GSK3B: variants seen among roughly 807,000 people sequenced by gnomAD.
GSK3B encodes the protein glycogen synthase kinase-3 beta.
A neutral mutation model predicts 56.4 loss-of-function variants in GSK3B; 15 were observed. That is an observed-to-expected ratio of 0.27 (90% confidence interval 0.18 to 0.41). GSK3B has a LOEUF of 0.41. Among genes scored for constraint, GSK3B ranks in the 10% least tolerant of loss-of-function variants. The pLI is 1.00. For synonymous variants in GSK3B, 181 were observed against 188.9 expected (o/e 0.96, Z 0.34); for missense variants, 300 against 513.4 (o/e 0.58, Z 4.02).
At chr3:120,022,362 G>C (rs925246182) in intron 1 of GSK3B, among the ~76,000 whole-genome samples, 1 of 152,138 alleles carries the variant, frequency 6.6e-6, no homozygotes, top group Admixed American at 6.5e-5. Flanking sequence ...TATGCACTAA[G>C]AAACCAAAAA....
At position 120,084,784 on chromosome 3, in the gene GSK3B, C is replaced by T. The variant is rs921593366; in HGVS notation, c.88+8563G>A. Reference sequence around the variant, plus strand: ...ATTAACATTTTACCTCTAATTGCCACGAGAGGAGCTCTGTCATCTTTGCAC... The same window carrying T: ...ATTAACATTTTACCTCTAATTGCCATGAGAGGAGCTCTGTCATCTTTGCAC... On this transcript the variant is annotated intron_variant, in intron 1 of 10. Transcript: ENST00000264235. The T allele has an allele frequency of 5.3e-5, 8 of 152,282 alleles. 1 individual carries two copies. In the East Asian group the frequency reaches 9.6e-4, roughly 18 times the overall value. 9.4% of individuals were successfully genotyped at this position (152,282 alleles called of 1,614,324 possible). A position where few individuals can be genotyped will look rare whatever the true frequency, so the allele number is the denominator to read the frequency against.
intron 1 of GSK3B, among the ~76,000 whole-genome samples, chr3:120,040,491 C>T (rs895298821): frequency 7.9e-5 from 12 of 152,094 alleles, no homozygotes; most frequent in African/African-American, 2.9e-4. Context: ...TTAACAAGCT[C>T]CCCAAGGAAG....
chr3:120,049,966 T>A (rs1205930049), intron 1 of GSK3B, among the ~76,000 whole-genome samples: 1 of 152,158 alleles, frequency 6.6e-6, no homozygotes, highest in Non-Finnish European at 1.5e-5. Flanking sequence ...ACTGGGTAAT[T>A]TATAAAGAAA....
At position 120,030,701 on chromosome 3, in the gene GSK3B, C is replaced by A. The variant is rs369355008; in HGVS notation, c.89-28462G>T. Among the ~76,000 whole-genome samples, 8 of 152,312 alleles carry A rather than the reference C, an allele frequency of 5.3e-5. No homozygotes were observed. In the East Asian group the frequency reaches 7.7e-4, roughly 15 times the overall value. On this transcript the variant is annotated intron_variant, in intron 1 of 10. Coordinates refer to ENST00000264235, the MANE Select transcript of GSK3B (RefSeq NM_001146156.2). ...TTATGTCTCAGCTTAAACCTCACTT[C>A]TTCAGAGATGCCTTCTCTAGGACAA...
At chr3:120,057,917 T>G (rs1198798860) in intron 1 of GSK3B, among the ~76,000 whole-genome samples, 1 of 151,994 alleles carries the variant, frequency 6.6e-6, no homozygotes, top group Non-Finnish European at 1.5e-5. Context: ...CAAACTGTAT[T>G]ATGTTAAATA....
intron 7 of GSK3B, among the ~76,000 whole-genome samples, chr3:119,882,759 A>C (rs1437069913): frequency 6.6e-6 from 1 of 152,132 alleles, no homozygotes; most frequent in Non-Finnish European, 1.5e-5. Flanking sequence ...TCTGCAACTC[A>C]TTCCTTTATA....
At position 119,979,399 on chromosome 3, in the gene GSK3B, C is replaced by T. The variant is rs1227643963; in HGVS notation, c.282+22647G>A. On this transcript the variant is annotated intron_variant, in intron 2 of 10. Coordinates refer to ENST00000264235, the MANE Select transcript of GSK3B (RefSeq NM_001146156.2). ...CCCTCTCTGTATTCTTATCCCCCTG[C>T]ATCTGCTCCTAGCCTGTCCAAACCC... is the stretch of plus-strand genomic sequence containing the variant. Among the ~76,000 whole-genome samples the T allele has an allele frequency of 2.6e-5, 4 of 152,138 alleles. No homozygotes were observed. The East Asian group carries it at 7.7e-4, about 29-fold the overall frequency.
chr3:120,041,751 C>A (rs150008289), intron 1 of GSK3B, among the ~76,000 whole-genome samples: 2 of 152,104 alleles, frequency 1.3e-5, no homozygotes, highest in Non-Finnish European at 2.9e-5. Flanking sequence ...CAGGACTGGG[C>A]GACAGTTCTT....
intron 1 of GSK3B, among the ~76,000 whole-genome samples, chr3:120,013,854 A>T (rs1244067923): frequency 3.7e-4 from 29 of 78,158 alleles, no homozygotes; most frequent in African/African-American, 2.5e-3. Context: ...ACCACGTTTA[A>T]AAAAAAAAAA....
intron 7 of GSK3B, among the ~76,000 whole-genome samples, chr3:119,901,564 TTTAA>T (rs963416172): frequency 2.6e-5 from 4 of 152,292 alleles, no homozygotes; most frequent in East Asian, 3.9e-4. Flanking sequence ...ATACAGTTCG[TTTAA>T]TTAAACTGTT....
In GSK3B at chr3:119,856,865, T is replaced by C. The variant is rs190894153; in HGVS notation, c.1096+6554A>G. On this transcript the variant is annotated intron_variant, in intron 9 of 10. Coordinates refer to ENST00000264235, the MANE Select transcript of GSK3B (RefSeq NM_001146156.2). ...CCATTATGACTCACCTCAGAGTTCATAGTAATTTGAGAATAACCTTAGAAG... is the reference window on the plus strand; with the variant it reads ...CCATTATGACTCACCTCAGAGTTCACAGTAATTTGAGAATAACCTTAGAAG... Among the ~76,000 whole-genome samples, 30 of 152,286 alleles carry C rather than the reference T, an allele frequency of 2.0e-4. No homozygotes were observed. The East Asian group carries it at 4.4e-3, about 23-fold the overall frequency.
intron 1 of GSK3B, among the ~76,000 whole-genome samples, chr3:120,047,122 T>G (rs1290051408): frequency 6.6e-6 from 1 of 152,212 alleles, no homozygotes; most frequent in East Asian, 1.9e-4. Flanking sequence ...ATCTTAAACC[T>G]TTTCACGATA....
intron 2 of GSK3B, among the ~76,000 whole-genome samples, chr3:119,961,632 C>CAAAAAAAAAAAAAAAAAAAAAAAA (rs1211316414): frequency 1.0e-5 from 1 of 95,872 alleles, no homozygotes. Flanking sequence ...GTCTCACAAA[C>CAAAAAAAAAAAAAAAAAAAAAAAA]AAAAAAAAAA....
chr3:119,991,172 TA>T (rs1394688477), intron 2 of GSK3B, among the ~76,000 whole-genome samples: 1 of 152,042 alleles, frequency 6.6e-6, no homozygotes, highest in East Asian at 1.9e-4. Context: ...CAACAAACCA[TA>T]AGGAGGTTTG....
intron 2 of GSK3B, among the ~76,000 whole-genome samples, chr3:119,971,784 T>C (rs1345759975): frequency 6.7e-6 from 1 of 150,358 alleles, no homozygotes; most frequent in Non-Finnish European, 1.5e-5. Flanking sequence ...GCTAATTTTT[T>C]GTATTTTTAG....
At chr3:119,919,516 TAAGAAAAAAAAAAAAG>T in intron 4 of GSK3B, among the ~76,000 whole-genome samples, 1 of 50,506 alleles carries the variant, frequency 2.0e-5, no homozygotes, top group African/African-American at 8.2e-5. Context: ...TGTGGTTACA[TAAGAAAAAAAAAAAAG>T]AAAAAAAAAA....
chr3:119,842,955 GC>G lies in GSK3B; in HGVS notation c.1195+299del, dbSNP rs1217568151. Among the ~76,000 whole-genome samples, 5 of 150,704 alleles carry G rather than the reference GC, an allele frequency of 3.3e-5. No homozygotes were observed. In the East Asian group the frequency reaches 7.8e-4, roughly 24 times the overall value. ...TTTTGAGATGGAGTCTTGCTCTGTT[GC>G]CCAGGCTGGAGTGCAGTGGCGCAAT... On this transcript the variant is annotated intron_variant, in intron 10 of 10. Transcript: ENST00000264235.
At chr3:119,898,209 T>C (rs1198702182) in intron 7 of GSK3B, among the ~76,000 whole-genome samples, 1 of 152,174 alleles carries the variant, frequency 6.6e-6, no homozygotes, top group Non-Finnish European at 1.5e-5. Flanking sequence ...TATTAAATAT[T>C]GTCTTAAAAA....
intron 2 of GSK3B, among the ~76,000 whole-genome samples, chr3:119,958,155 ACT>A (rs753267531): frequency 9.9e-5 from 15 of 151,484 alleles, no homozygotes; most frequent in African/African-American, 2.9e-4. Flanking sequence ...CTGCACGATG[ACT>A]CTCTCTCCCA....
Sources: gnomAD v4.1 joint callset for allele counts (sites outside exome capture counted in the v4.1 genomes callset) on GRCh38, gnomAD v4.1.1 for gene constraint, MANE v1.5 for transcripts, NCBI Gene and HGNC (gene_info 2026-07-23, HGNC 2026-07-21) for gene names.